KCNT2: variants seen among roughly 807,000 people sequenced by gnomAD.
The protein encoded by KCNT2 is potassium channel subfamily T member 2.
KCNT2 carries 67 observed loss-of-function variants against 153.8 expected under a neutral mutation model. The observed-to-expected ratio is 0.44, with a 90% confidence interval of 0.36 to 0.53. The LOEUF is 0.53. Among genes scored for constraint, KCNT2 ranks in the 20% least tolerant of loss-of-function variants. The probability of loss-of-function intolerance (pLI) is 0.00; values close to 1 mark genes in which losing one functional copy is unlikely to be tolerated. For synonymous variants in KCNT2, 500 were observed against 458.8 expected (o/e 1.09, Z -1.15); for missense variants, 975 against 1,354.8 (o/e 0.72, Z 4.40).
intron 11 of KCNT2, among the ~76,000 whole-genome samples, chr1:196,424,905 C>A (rs184940184): frequency 6.6e-6 from 1 of 151,356 alleles, no homozygotes; most frequent in African/African-American, 2.4e-5. Context: ...CACTTGCACA[C>A]ACAGTGAAGA....
chr1:196,428,814 G>A (rs1374910961), intron 9 of KCNT2, among the ~76,000 whole-genome samples: 1 of 152,096 alleles, frequency 6.6e-6, no homozygotes, highest in Non-Finnish European at 1.5e-5. Flanking sequence ...TTTTGCAATG[G>A]AATATGCAAG....
At chr1:196,431,986 A>G (rs1674192093) in intron 8 of KCNT2, among the ~76,000 whole-genome samples, 1 of 152,076 alleles carries the variant, frequency 6.6e-6, no homozygotes, top group Non-Finnish European at 1.5e-5. Context: ...CCCTCATCAC[A>G]GGACCAGAGT....
intron 25 of KCNT2, among the ~76,000 whole-genome samples, chr1:196,277,496 A>G (rs1658678961): frequency 6.6e-6 from 1 of 152,322 alleles, no homozygotes; most frequent in African/African-American, 2.4e-5. Context: ...TCCGGGGTCC[A>G]GAGGCCACAG....
intron 12 of KCNT2, among the ~76,000 whole-genome samples, chr1:196,415,403 T>C (rs1051114103): frequency 1.3e-5 from 2 of 151,814 alleles, no homozygotes; most frequent in African/African-American, 4.8e-5. Flanking sequence ...CATGGGAGAA[T>C]GTTAATTACC....
rs1261867208 is a variant in KCNT2, at chr1:196,258,318, A to C, written c.3087T>G (p.Ser1029=). The change falls in exon 26 of 28, where the codon TCT becomes TCG. Residue 1029 remains serine, a synonymous_variant. Coordinates refer to ENST00000294725, the MANE Select transcript of KCNT2 (RefSeq NM_198503.5). The part of the protein sequence containing the change: ...RRLSRKGPKH[S]GKTAEKITQQ... ...GGGTTATTTTTTCAGCTGTTTTACCAGAGTGTTTTGGGCCTTTTCTGCTCA... is the reference window on the plus strand; with the variant it reads ...GGGTTATTTTTTCAGCTGTTTTACCCGAGTGTTTTGGGCCTTTTCTGCTCA... The C allele has an allele frequency of 4.3e-6, 7 of 1,613,986 alleles. No homozygotes were observed. Among genetic ancestry groups the C allele is most frequent in the African/African-American group, 1.3e-5 (1 of 75,000 alleles).
rs1333928955 is a variant in KCNT2 at position 196,584,564 on chromosome 1, C to T, written c.95+23651G>A. Among the ~76,000 whole-genome samples the T allele has an allele frequency of 2.6e-5, 4 of 151,802 alleles. No homozygotes were observed. The East Asian group carries it at 7.7e-4, about 29-fold the overall frequency. ...ATTAGCAGAGAGGGGCATGCCTGGA[C>T]CATTAAATCAACAGAGTATGAGGAT... On this transcript the variant is annotated intron_variant, in intron 1 of 27. Transcript: ENST00000294725.
At chr1:196,341,252 C>G (rs1408637621) in intron 15 of KCNT2, among the ~76,000 whole-genome samples, 1 of 151,958 alleles carries the variant, frequency 6.6e-6, no homozygotes, top group Non-Finnish European at 1.5e-5. Context: ...ACATTGCCTA[C>G]AGTTGGGCAA....
chr1:196,585,600 T>TAA (rs60513367), intron 1 of KCNT2, among the ~76,000 whole-genome samples: 1 of 151,044 alleles, frequency 6.6e-6, no homozygotes, highest in African/African-American at 2.4e-5. Flanking sequence ...GCTAACTAAT[T>TAA]AAAAAAAAAC....
chr1:196,319,902 T>TA (rs1182782438), intron 19 of KCNT2, among the ~76,000 whole-genome samples: 4 of 151,792 alleles, frequency 2.6e-5, no homozygotes, highest in African/African-American at 7.2e-5. Flanking sequence ...CCTTGTAAAA[T>TA]AAAAAAACTA....
At chr1:196,230,433 T>A (rs765538357) in intron 27 of KCNT2, among the ~76,000 whole-genome samples, 1 of 152,066 alleles carries the variant, frequency 6.6e-6, no homozygotes, top group Non-Finnish European at 1.5e-5. Context: ...AGGCACCTGG[T>A]CACCCAAGAG....
chr1:196,504,446 G>A (rs1281737384), intron 1 of KCNT2, among the ~76,000 whole-genome samples: 1 of 151,996 alleles, frequency 6.6e-6, no homozygotes, highest in Non-Finnish European at 1.5e-5. Flanking sequence ...AGTATTCCAT[G>A]GTGTATATGT....
At position 196,258,164 on chromosome 1, in the gene KCNT2, CATATATACAGTAGTTTTTAAAGA is replaced by C; in HGVS notation, c.3211+7_3211+29del. On this transcript the variant is annotated splice_region_variant and intron_variant, in intron 26 of 27. Coordinates refer to ENST00000294725, the MANE Select transcript of KCNT2 (RefSeq NM_198503.5). ...TACTAATGGCAAGAAATCACGAGTCCATATATACAGTAGTTTTTAAAGAGCATACCATATCCCACTGTAGAAAG... is the reference window on the plus strand; with the variant it reads ...TACTAATGGCAAGAAATCACGAGTCCGCATACCATATCCCACTGTAGAAAG... 6.2e-7 allele frequency: 1 copy of C among 1,604,298 alleles called. No individual in the cohort carries two copies. Among genetic ancestry groups the C allele is most frequent in the Middle Eastern group, 1.7e-4 (1 of 5,984 alleles).
chr1:196,465,035 T>C (rs1002671377), intron 8 of KCNT2, among the ~76,000 whole-genome samples: 1 of 152,026 alleles, frequency 6.6e-6, no homozygotes, highest in Non-Finnish European at 1.5e-5. Context: ...ATTCTCATAG[T>C]TTGGCTGTTT....
chr1:196,487,432 G>GTGTGTGTGTA (rs1479403043), intron 3 of KCNT2, among the ~76,000 whole-genome samples: 2 of 151,324 alleles, frequency 1.3e-5, no homozygotes, highest in Non-Finnish European at 3.0e-5. Flanking sequence ...GTGTGTGTGT[G>GTGTGTGTGTA]TGTATGTATG....
intron 14 of KCNT2, among the ~76,000 whole-genome samples, chr1:196,350,389 G>C (rs1666562060): frequency 6.6e-6 from 1 of 152,052 alleles, no homozygotes; most frequent in African/African-American, 2.4e-5. Flanking sequence ...AATTTTTAAC[G>C]ATTGCCATTC....
At chr1:196,370,517 C>G (rs1471861905) in intron 14 of KCNT2, among the ~76,000 whole-genome samples, 2 of 151,914 alleles carry the variant, frequency 1.3e-5, no homozygotes, top group East Asian at 3.9e-4. Context: ...CTGGAGAGAC[C>G]ACTTCATGCC....
intron 1 of KCNT2, among the ~76,000 whole-genome samples, chr1:196,581,403 A>T (rs1662023991): frequency 6.6e-6 from 1 of 152,152 alleles, no homozygotes; most frequent in Non-Finnish European, 1.5e-5. Flanking sequence ...TGAAATACAC[A>T]TGTATATTCC....
rs1037621491 is a variant in KCNT2, at chr1:196,428,402, C to T, written c.820-133G>A. The T allele has an allele frequency of 6.2e-6, 4 of 642,908 alleles. No individual in the cohort carries two copies. The African/African-American group carries it at 7.3e-5, about 12-fold the overall frequency. 39.8% of individuals were successfully genotyped at this position (642,908 alleles called of 1,614,324 possible). A position where few individuals can be genotyped will look rare whatever the true frequency, so the allele number is the denominator to read the frequency against. On this transcript the variant is annotated intron_variant, in intron 9 of 27. Transcript: ENST00000294725. ...CATTGAGATTCTAATTGTCAGTATT[C>T]CCCTTCAACGACAGACTTTTCATAT...
rs553534966 is a variant in KCNT2, at chr1:196,502,950, C to T, written c.96-10609G>A. On this transcript the variant is annotated intron_variant, in intron 1 of 27. Transcript: ENST00000294725. ...TGCAAAGAGATTCCCCCTCTTCATG[C>T]CCCCTGCCCAACTGTATGAGGTGGG... is the stretch of plus-strand genomic sequence containing the variant. 1.2e-3 allele frequency among the ~76,000 whole-genome samples: 175 copies of T among 152,074 alleles called. 1 individual carries two copies. The highest frequency in any genetic ancestry group is 3.4e-3 in the Middle Eastern group (1 of 294).
Sources: gnomAD v4.1 joint callset for allele counts (sites outside exome capture counted in the v4.1 genomes callset) on GRCh38, gnomAD v4.1.1 for gene constraint, MANE v1.5 for transcripts, NCBI Gene and HGNC (gene_info 2026-07-23, HGNC 2026-07-21) for gene names.